MDGA2: variants seen among roughly 807,000 people sequenced by gnomAD.
The protein encoded by MDGA2 is MAM domain containing glycosylphosphatidylinositol anchor 2, also known as MAM domain-containing glycosylphosphatidylinositol anchor protein 2.
In MDGA2, 40 loss-of-function variants were observed where a neutral mutation model predicts 117.8. The ratio of observed to expected loss-of-function variants is 0.34; its 90% CI spans 0.26 to 0.44. The LOEUF (loss-of-function observed/expected upper bound fraction) is 0.44, where lower values mean the gene tolerates loss of function less well. Among genes scored for constraint, MDGA2 ranks in the 20% least tolerant of loss-of-function variants. The pLI is 1.00. For synonymous variants in MDGA2, 452 were observed against 439.0 expected (o/e 1.03, Z -0.37); for missense variants, 1,123 against 1,250.6 (o/e 0.90, Z 1.54).
intron 10 of MDGA2, among the ~76,000 whole-genome samples, chr14:46,905,677 T>C (rs1441292549): frequency 1.3e-5 from 2 of 152,126 alleles, no homozygotes; most frequent in Admixed American, 6.5e-5. Flanking sequence ...TCAATATGAC[T>C]GATGATCTAC....
Position 46,852,080 on chromosome 14 carries a change from A to G in MDGA2, c.2883+2944T>C, listed in dbSNP as rs370727801. On this transcript the variant is annotated intron_variant, in intron 15 of 16. Coordinates refer to ENST00000399232, the MANE Select transcript of MDGA2 (RefSeq NM_001113498.3). ...AGACCTAGAAATATGTTGGGAAATG[A>G]AAGAGCGTCGATCAAAATGAAAAGA... Among the ~76,000 whole-genome samples the G allele has an allele frequency of 1.3e-3, 193 of 151,992 alleles. 2 individuals carry two copies. Among genetic ancestry groups the G allele is most frequent in the African/African-American group, 4.5e-3 (185 of 41,550 alleles).
chr14:47,525,197 T>C (rs1294488324), intron 1 of MDGA2, among the ~76,000 whole-genome samples: 1 of 152,200 alleles, frequency 6.6e-6, no homozygotes, highest in African/African-American at 2.4e-5. Context: ...ACACTCGAAA[T>C]TTTTTAAGAC....
At chr14:47,298,590 C>A (rs1432863753) in intron 2 of MDGA2, among the ~76,000 whole-genome samples, 1 of 152,118 alleles carries the variant, frequency 6.6e-6, no homozygotes, top group Non-Finnish European at 1.5e-5. Context: ...AACAGCATTG[C>A]CCTTTAGACT....
At chr14:47,081,661 T>A (rs1455545669) in intron 6 of MDGA2, among the ~76,000 whole-genome samples, 1 of 152,148 alleles carries the variant, frequency 6.6e-6, no homozygotes, top group African/African-American at 2.4e-5. Flanking sequence ...ATATATCATA[T>A]GTTAACTGGT....
intron 8 of MDGA2, among the ~76,000 whole-genome samples, chr14:46,960,921 T>C (rs945283718): frequency 7.0e-6 from 1 of 143,654 alleles, no homozygotes; most frequent in Non-Finnish European, 1.5e-5. Context: ...GTTTTATATA[T>C]ACATATATGT....
intron 5 of MDGA2, among the ~76,000 whole-genome samples, chr14:47,121,554 T>C (rs1042858497): frequency 5.3e-5 from 8 of 152,048 alleles, no homozygotes; most frequent in Admixed American, 2.0e-4. Context: ...AAAAGGAAAA[T>C]TGATGAGCTA....
chr14:46,852,553 A>G (rs1431184172), intron 15 of MDGA2, among the ~76,000 whole-genome samples: 4 of 151,876 alleles, frequency 2.6e-5, no homozygotes, highest in Non-Finnish European at 5.9e-5. Flanking sequence ...TTGAGTATTC[A>G]GCAGAGTACT....
At chr14:46,946,212 A>G (rs2138595595) in intron 9 of MDGA2, among the ~76,000 whole-genome samples, 1 of 152,238 alleles carries the variant, frequency 6.6e-6, no homozygotes, top group East Asian at 1.9e-4. Context: ...AGTATTCATT[A>G]GTAGTGCTCT....
At chr14:47,065,377 A>C (rs1298664159) in intron 6 of MDGA2, among the ~76,000 whole-genome samples, 2 of 152,106 alleles carry the variant, frequency 1.3e-5, no homozygotes, top group Non-Finnish European at 2.9e-5. Flanking sequence ...TCACTGCAAA[A>C]ATTTGGGTAG....
chr14:47,653,047 G>A (rs1243025309), intron 1 of MDGA2, among the ~76,000 whole-genome samples: 1 of 150,850 alleles, frequency 6.6e-6, no homozygotes, highest in South Asian at 2.1e-4. Flanking sequence ...CCAACTCATG[G>A]AGCCACTGGT....
intron 1 of MDGA2, among the ~76,000 whole-genome samples, chr14:47,475,048 C>T (rs1893808748): frequency 6.6e-6 from 1 of 152,076 alleles, no homozygotes; most frequent in Non-Finnish European, 1.5e-5. Context: ...AAACAGATGA[C>T]CTACAGAATG....
chr14:46,864,482 T>C (rs934873984), intron 14 of MDGA2, among the ~76,000 whole-genome samples: 4 of 149,494 alleles, frequency 2.7e-5, no homozygotes, highest in African/African-American at 7.3e-5. Context: ...AGACTCCAAA[T>C]TGAGAGTTGT....
chr14:47,170,470 T>C (rs1166684676), intron 3 of MDGA2, among the ~76,000 whole-genome samples: 1 of 152,138 alleles, frequency 6.6e-6, no homozygotes, highest in Non-Finnish European at 1.5e-5. Context: ...GCTATCATTG[T>C]CATTTTATAG....
intron 1 of MDGA2, among the ~76,000 whole-genome samples, chr14:47,651,205 G>A (rs557010900): frequency 7.8e-6 from 1 of 128,048 alleles, no homozygotes; most frequent in Admixed American, 9.1e-5. Context: ...CTGTGTGTGT[G>A]TGCATGTGGT....
At chr14:46,846,889 A>G (rs954368585) in intron 15 of MDGA2, among the ~76,000 whole-genome samples, 17 of 152,138 alleles carry the variant, frequency 1.1e-4, no homozygotes, top group African/African-American at 4.1e-4. Flanking sequence ...TTTATTAATA[A>G]CATTTCTAGA....
chr14:47,464,553 C>T (rs183290123), intron 1 of MDGA2, among the ~76,000 whole-genome samples: 8 of 151,630 alleles, frequency 5.3e-5, no homozygotes, highest in Admixed American at 2.6e-4. Context: ...CAAATGAGAG[C>T]GAAATCATAA....
At chr14:47,465,101 T>C (rs954924267) in intron 1 of MDGA2, among the ~76,000 whole-genome samples, 1 of 151,960 alleles carries the variant, frequency 6.6e-6, no homozygotes, top group Non-Finnish European at 1.5e-5. Context: ...AGTGGAGAAA[T>C]GACTCCCTAT....
chr14:47,468,422 G>T (rs187496269), intron 1 of MDGA2, among the ~76,000 whole-genome samples: 1 of 152,246 alleles, frequency 6.6e-6, no homozygotes, highest in African/African-American at 2.4e-5. Flanking sequence ...ATTTGTCCCT[G>T]TGTGCTATAA....
chr14:47,194,504 A>G (rs1885219136), intron 3 of MDGA2, among the ~76,000 whole-genome samples: 1 of 152,100 alleles, frequency 6.6e-6, no homozygotes, highest in African/African-American at 2.4e-5. Flanking sequence ...ATCCCTTTGC[A>G]TAAGAGGAAT....
Sources: gnomAD v4.1 joint callset for allele counts (sites outside exome capture counted in the v4.1 genomes callset) on GRCh38, gnomAD v4.1.1 for gene constraint, MANE v1.5 for transcripts, NCBI Gene and HGNC (gene_info 2026-07-23, HGNC 2026-07-21) for gene names.